Variants in HPSE2 observed in about 807,000 individuals in gnomAD.
HPSE2 encodes heparanase 2 (inactive), also known as inactive heparanase-2.
In HPSE2, 38 loss-of-function variants were observed where a neutral mutation model predicts 60.5. The observed-to-expected ratio is 0.63, with a 90% CI of 0.48 to 0.82. The LOEUF (loss-of-function observed/expected upper bound fraction) is 0.82, where lower values mean the gene tolerates loss of function less well. HPSE2 is among the 40% of genes least tolerant of loss of function. The pLI, the probability that HPSE2 is intolerant of heterozygous loss-of-function variation, is 0.00. For missense variants in HPSE2, 713 were observed against 740.4 expected, an observed-to-expected ratio of 0.96 and a Z score of 0.43; for synonymous variants, 295 against 293.2, an observed-to-expected ratio of 1.01 and a Z score of -0.06.
Position 99,005,036 on chromosome 10 carries a change from T to A in HPSE2, c.610+139202A>T, listed in dbSNP as rs201708412. Among the ~76,000 whole-genome samples, 146 of 152,342 alleles carry A rather than the reference T, an allele frequency of 9.6e-4. 1 individual carries two copies. In the East Asian group the frequency reaches 0.021, roughly 22 times the overall value. ...TGATAGCCTTATTGGAACTCCCTTA[T>A]ATGTGATCTGCTTCTTTTTCCTTGT... On this transcript the variant is annotated intron_variant, in intron 3 of 11. Coordinates refer to ENST00000370552, the MANE Select transcript of HPSE2 (RefSeq NM_021828.5).
intron 3 of HPSE2, among the ~76,000 whole-genome samples, chr10:98,933,918 G>C (rs1256798576): frequency 7.0e-6 from 1 of 142,030 alleles, no homozygotes; most frequent in Non-Finnish European, 1.5e-5. Flanking sequence ...ATTTTTAGTA[G>C]AGACGGAGTT....
At chr10:99,266,324 G>C in the HPSE2 span, among the ~76,000 whole-genome samples, 3 of 151,720 alleles carry the variant, frequency 2.0e-5, no homozygotes, top group Non-Finnish European at 2.9e-5. Context: ...GTGGGAATGA[G>C]ACCAACGTTT....
intron 2 of HPSE2, among the ~76,000 whole-genome samples, chr10:99,174,934 G>A (rs905405195): frequency 6.6e-5 from 10 of 152,200 alleles, no homozygotes; most frequent in African/African-American, 2.4e-4. Context: ...CACTGGGACT[G>A]GTTAGACAGT....
chr10:98,482,892 T>C, intron 10 of HPSE2, 110 bp from the exon 11 acceptor site: 1 of 1,237,130 alleles, frequency 8.1e-7, no homozygotes, highest in Non-Finnish European at 1.2e-6. Flanking sequence ...AAAATGGCAC[T>C]TAAAAACTTG....
chr10:98,588,162 A>G (rs12268248), intron 9 of HPSE2, among the ~76,000 whole-genome samples: 87,009 of 152,038 alleles, frequency 0.57, 25,169 homozygotes, highest in Admixed American at 0.63. Flanking sequence ...TTCTCTCTAA[A>G]TTGTCAAAGC....
chr10:99,312,518 A>C, the HPSE2 span, among the ~76,000 whole-genome samples: 1 of 152,254 alleles, frequency 6.6e-6, no homozygotes, highest in African/African-American at 2.4e-5. Flanking sequence ...ATCTGTTTAC[A>C]GCAAACTTTA....
chr10:98,906,732 C>T (rs1344503694), intron 3 of HPSE2, among the ~76,000 whole-genome samples: 3 of 152,048 alleles, frequency 2.0e-5, no homozygotes, highest in East Asian at 1.9e-4. Context: ...GGTTAAACCC[C>T]GTCTCTGCTA....
intron 10 of HPSE2, among the ~76,000 whole-genome samples, chr10:98,488,583 G>A (rs1166308763): frequency 6.6e-6 from 1 of 152,172 alleles, no homozygotes; most frequent in Non-Finnish European, 1.5e-5. Context: ...TTTCCCCCAA[G>A]TCCTCAGATT....
Position 98,641,918 on chromosome 10 carries a change from C to T in HPSE2, c.1027G>A (p.Val343Ile), listed in dbSNP as rs1447043692. 1.9e-6 allele frequency: 3 copies of T among 1,613,574 alleles called. No individual in the cohort carries two copies. Among genetic ancestry groups the T allele is most frequent in the Non-Finnish European group, 1.7e-6 (2 of 1,179,680 alleles). Residue 343 changes from valine to isoleucine, a missense_variant, in exon 7 of 12, where the codon GTC becomes ATC. Transcript: ENST00000370552. ...WQHCYIDGRVVKVMDFLKTRL... is the reference protein window; with the variant it reads ...WQHCYIDGRVIKVMDFLKTRL... ...GTTTTCAGGAAGTCCATCACCTTGACCACCCGGCCATCAATGTAGCAACTG... is the reference window on the plus strand; with the variant it reads ...GTTTTCAGGAAGTCCATCACCTTGATCACCCGGCCATCAATGTAGCAACTG...
chr10:98,545,088 G>C (rs1312452466), intron 9 of HPSE2, among the ~76,000 whole-genome samples: 7 of 152,142 alleles, frequency 4.6e-5, no homozygotes, highest in Non-Finnish European at 1.0e-4. Flanking sequence ...CATACACTCT[G>C]CCAAGAGTAA....
chr10:98,549,155 TA>T (rs1405332036), intron 9 of HPSE2, among the ~76,000 whole-genome samples: 3 of 152,190 alleles, frequency 2.0e-5, no homozygotes, highest in Non-Finnish European at 2.9e-5. Context: ...TACCTGGAAT[TA>T]AATTTTGCTT....
At chr10:98,605,426 A>G (rs1053512666) in intron 9 of HPSE2, among the ~76,000 whole-genome samples, 1 of 152,208 alleles carries the variant, frequency 6.6e-6, no homozygotes, top group Admixed American at 6.5e-5. Context: ...TGTATGTCAT[A>G]AGGTTCTCGA....
At chr10:98,931,530 T>C (rs1954641374) in intron 3 of HPSE2, among the ~76,000 whole-genome samples, 1 of 144,078 alleles carries the variant, frequency 6.9e-6, no homozygotes, top group Admixed American at 6.9e-5. Flanking sequence ...TAATGGGAAT[T>C]GCACTGAATC....
chr10:98,745,893 AC>A (rs1326932933), intron 3 of HPSE2, among the ~76,000 whole-genome samples: 1 of 152,102 alleles, frequency 6.6e-6, no homozygotes, highest in African/African-American at 2.4e-5. Flanking sequence ...TGTCCAAGTT[AC>A]CCCATTAGCA....
At chr10:98,919,208 C>A (rs1286278066) in intron 3 of HPSE2, among the ~76,000 whole-genome samples, 1 of 152,060 alleles carries the variant, frequency 6.6e-6, no homozygotes, top group Non-Finnish European at 1.5e-5. Context: ...GCACATTCTA[C>A]ACAAAGAAAC....
chr10:99,087,165 T>G (rs576942936), intron 3 of HPSE2, among the ~76,000 whole-genome samples: 2 of 152,192 alleles, frequency 1.3e-5, no homozygotes, highest in Admixed American at 6.5e-5. Flanking sequence ...GTTTGAAAAA[T>G]CATGTGTACT....
intron 6 of HPSE2, among the ~76,000 whole-genome samples, chr10:98,665,413 T>C (rs575337745): frequency 6.6e-6 from 1 of 152,178 alleles, no homozygotes; most frequent in South Asian, 2.1e-4. Flanking sequence ...GATGTGGACA[T>C]GCAAATTCAA....
chr10:98,478,589 G>A (rs576413424), intron 11 of HPSE2, among the ~76,000 whole-genome samples: 6 of 152,290 alleles, frequency 3.9e-5, no homozygotes, highest in East Asian at 1.9e-4. Flanking sequence ...TTTGGAAAAC[G>A]AGCTCATTTT....
intron 6 of HPSE2, among the ~76,000 whole-genome samples, chr10:98,670,232 T>A (rs1947471397): frequency 6.6e-6 from 1 of 152,168 alleles, no homozygotes; most frequent in Non-Finnish European, 1.5e-5. Context: ...CCAAGTCAGA[T>A]GAAGAGACAT....
Sources: allele counts gnomAD v4.1 joint callset (sites outside exome capture counted in the v4.1 genomes callset), GRCh38; gene constraint gnomAD v4.1.1; transcripts MANE v1.5; gene names NCBI Gene and HGNC (gene_info 2026-07-23, HGNC 2026-07-21).